CMTM4: variants seen among roughly 807,000 people sequenced by gnomAD.
CMTM4 encodes the protein CKLF-like MARVEL transmembrane domain-containing protein 4.
In CMTM4, 8 loss-of-function variants were observed where a neutral mutation model predicts 19.0. The observed-to-expected ratio is 0.42, with a 90% CI of 0.25 to 0.76. CMTM4 has a LOEUF of 0.76. CMTM4 is among the 30% of genes least tolerant of loss of function. The pLI is 0.27. For synonymous variants in CMTM4, 106 were observed against 121.1 expected (o/e 0.88, Z 0.82); for missense variants, 228 against 290.2 (o/e 0.79, Z 1.56).
intron 1 of CMTM4, among the ~76,000 whole-genome samples, chr16:66,649,028 A>G (rs2016259556): frequency 6.6e-6 from 1 of 152,184 alleles, no homozygotes; most frequent in Admixed American, 6.6e-5. Context: ...TAGCCCCCAG[A>G]CACTATGTTC....
At chr16:66,651,247 C>G (rs1273253369) in intron 1 of CMTM4, among the ~76,000 whole-genome samples, 1 of 152,144 alleles carries the variant, frequency 6.6e-6, no homozygotes, top group Non-Finnish European at 1.5e-5. Flanking sequence ...AGCCTCTCCG[C>G]ACCATCTTTC....
intron 1 of CMTM4, among the ~76,000 whole-genome samples, chr16:66,655,401 G>A (rs992715204): frequency 1.3e-5 from 2 of 151,910 alleles, no homozygotes; most frequent in Non-Finnish European, 2.9e-5. Flanking sequence ...AAGTAACAAG[G>A]GTTTCTTAGA....
At chr16:66,649,342 G>A (rs1388985787) in intron 1 of CMTM4, among the ~76,000 whole-genome samples, 2 of 152,062 alleles carry the variant, frequency 1.3e-5, no homozygotes, top group African/African-American at 4.8e-5. Context: ...AATTAACTGA[G>A]GATCTACTAC....
chr16:66,681,770 G>A lies in CMTM4; in HGVS notation c.186+14570C>T, dbSNP rs533835617. Among the ~76,000 whole-genome samples the A allele has an allele frequency of 2.4e-4, 37 of 152,104 alleles. 1 individual carries two copies. The South Asian group carries it at 7.7e-3, about 32-fold the overall frequency. On this transcript the variant is annotated intron_variant, in intron 1 of 3. Coordinates refer to ENST00000394106, the MANE Select transcript of CMTM4 (RefSeq NM_181521.3). ...AACAAATCGGCCCCTCACCAGCCTG[G>A]GTCCCCCTCATCTTGCCCCATTTGT...
chr16:66,627,995 G>T (rs2015777433), intron 2 of CMTM4, among the ~76,000 whole-genome samples: 1 of 152,200 alleles, frequency 6.6e-6, no homozygotes, highest in South Asian at 2.1e-4. Context: ...AAACATGTGA[G>T]CAAAGGAATC....
Position 66,621,139 on chromosome 16 carries a change from TAGA to T in CMTM4, c.*916_*918del. On this transcript the variant is annotated 3_prime_UTR_variant, in exon 4 of 4. Coordinates refer to ENST00000394106, the MANE Select transcript of CMTM4 (RefSeq NM_181521.3). ...AGAAAATTAGCACACATCCCTAAAA[TAGA>T]GGGGTGTGTGTGTGCATGTGTGCGC... The T allele has an allele frequency of 1.0e-6, 1 of 985,806 alleles. No homozygotes were observed. The highest frequency in any genetic ancestry group is 1.1e-4 in the East Asian group (1 of 8,808). The allele number at this position is 985,806 out of a possible 1,614,324, so 61.1% of individuals were successfully genotyped here.
chr16:66,683,907 TA>T (rs2016987737), intron 1 of CMTM4, among the ~76,000 whole-genome samples: 1 of 152,080 alleles, frequency 6.6e-6, no homozygotes, highest in African/African-American at 2.4e-5. Context: ...CTGCCTAATT[TA>T]AAAAATAAAA....
chr16:66,671,872 A>C (rs1354272969), intron 1 of CMTM4, among the ~76,000 whole-genome samples: 1 of 152,076 alleles, frequency 6.6e-6, no homozygotes, highest in Non-Finnish European at 1.5e-5. Context: ...ATTTAAAAAA[A>C]AAAATTAGCC....
At chr16:66,683,784 G>T (rs2016985572) in intron 1 of CMTM4, among the ~76,000 whole-genome samples, 1 of 151,652 alleles carries the variant, frequency 6.6e-6, no homozygotes, top group African/African-American at 2.4e-5. Flanking sequence ...GCAGAGTGGG[G>T]TGGGGGAGTG....
At chr16:66,663,303 C>G (rs1051104164) in intron 1 of CMTM4, among the ~76,000 whole-genome samples, 2 of 152,118 alleles carry the variant, frequency 1.3e-5, no homozygotes, top group Non-Finnish European at 2.9e-5. Flanking sequence ...GCCAAGATGA[C>G]ACAGTTGTTG....
rs1034000242 is a variant in CMTM4 at position 66,621,158 on chromosome 16, A to G, written c.*900T>C. The G allele has an allele frequency of 2.0e-6, 2 of 985,738 alleles. No individual in the cohort carries two copies. The highest frequency in any genetic ancestry group is 2.4e-6 in the Non-Finnish European group (2 of 829,934). The allele number at this position is 985,738 out of a possible 1,614,324, so 61.1% of individuals were successfully genotyped here. ...CTAAAATAGAGGGGTGTGTGTGTGC[A>G]TGTGTGCGCGCACGCGTGTGCATGC... On this transcript the variant is annotated 3_prime_UTR_variant, in exon 4 of 4. Transcript: ENST00000394106.
At chr16:66,637,902 CAGA>C (rs2016027174) in intron 1 of CMTM4, among the ~76,000 whole-genome samples, 1 of 152,220 alleles carries the variant, frequency 6.6e-6, no homozygotes, top group Admixed American at 6.5e-5. Flanking sequence ...GTGGGAAATG[CAGA>C]ATCTCTGCTT....
At position 66,683,574 on chromosome 16, in the gene CMTM4, C is replaced by T. The variant is rs1000871155; in HGVS notation, c.186+12766G>A. ...CCAAAGTGCTGGGAGCTACCACGCC[C>T]GGCCCATTTTTTTTCTTTTATTAAA... On this transcript the variant is annotated intron_variant, in intron 1 of 3. Coordinates refer to ENST00000394106, the MANE Select transcript of CMTM4 (RefSeq NM_181521.3). 2.3e-4 allele frequency among the ~76,000 whole-genome samples: 35 copies of T among 151,618 alleles called. 1 individual carries two copies. The highest frequency in any genetic ancestry group is 7.3e-4 in the African/African-American group (30 of 41,268).
intron 2 of CMTM4, among the ~76,000 whole-genome samples, chr16:66,629,231 G>A (rs2015802384): frequency 6.6e-6 from 1 of 152,088 alleles, no homozygotes; most frequent in Non-Finnish European, 1.5e-5. Context: ...CAATGTGCTA[G>A]GTGGCTGGCT....
At chr16:66,691,120 A>G (rs1248801208) in intron 1 of CMTM4, among the ~76,000 whole-genome samples, 3 of 152,172 alleles carry the variant, frequency 2.0e-5, no homozygotes, top group Admixed American at 6.5e-5. Context: ...TCTGTCTTAA[A>G]AAAAAAATTC....
In CMTM4 at chr16:66,621,774, C is replaced by T; in HGVS notation, c.*284G>A. 1 of 1,264,976 alleles carries T rather than the reference C, an allele frequency of 7.9e-7. No homozygotes were observed. The highest frequency in any genetic ancestry group is 3.3e-5 in the East Asian group (1 of 29,946). 78.4% of individuals were successfully genotyped at this position (1,264,976 alleles called of 1,614,324 possible). On this transcript the variant is annotated 3_prime_UTR_variant, in exon 4 of 4. Transcript: ENST00000394106. ...GTTACAAATACACACGACAAGGTGGCTCAGAGTCAAAGGAAGCCTGTGCTT... is the reference window on the plus strand; with the variant it reads ...GTTACAAATACACACGACAAGGTGGTTCAGAGTCAAAGGAAGCCTGTGCTT...
intron 1 of CMTM4, among the ~76,000 whole-genome samples, chr16:66,651,041 C>T (rs2016300542): frequency 6.6e-6 from 1 of 152,180 alleles, no homozygotes; most frequent in Admixed American, 6.5e-5. Context: ...CGAGACAGGG[C>T]TTGTATTTAA....
At chr16:66,625,656 A>G (rs1041902530) in intron 2 of CMTM4, among the ~76,000 whole-genome samples, 2 of 152,192 alleles carry the variant, frequency 1.3e-5, no homozygotes, top group African/African-American at 2.4e-5. Context: ...CTAAGAAACC[A>G]GATTAAACCA....
intron 1 of CMTM4, among the ~76,000 whole-genome samples, chr16:66,668,165 A>AT (rs111400398): frequency 0.011 from 1,602 of 139,824 alleles, 32 homozygotes; most frequent in African/African-American, 0.038. Context: ...CAACAGAGCT[A>AT]TTTTTTTTTT....
Sources: gnomAD v4.1 joint callset for allele counts (sites outside exome capture counted in the v4.1 genomes callset) on GRCh38, gnomAD v4.1.1 for gene constraint, MANE v1.5 for transcripts, NCBI Gene and HGNC (gene_info 2026-07-23, HGNC 2026-07-21) for gene names.